Variants in ZNF550 observed in about 807,000 individuals in gnomAD.
ZNF550 encodes zinc finger protein 550.
Under a neutral mutation model 40.2 loss-of-function variants are expected in ZNF550, and 42 were observed. That is an observed-to-expected ratio of 1.05 (90% CI 0.82 to 1.35). ZNF550 has a LOEUF of 1.35. Among genes scored for constraint, ZNF550 ranks in the 40% most tolerant of loss-of-function variants. The pLI, the probability that ZNF550 is intolerant of heterozygous loss-of-function variation, is 0.00. For missense variants in ZNF550, 549 were observed against 525.2 expected (o/e 1.05, Z -0.44); for synonymous variants, 223 against 198.6 (o/e 1.12, Z -1.03).
chr19:57,546,716 C>T (rs1057143084), exon 4 of ZNF550: 4 of 1,226,984 alleles, frequency 3.3e-6, no homozygotes, highest in Non-Finnish European at 4.1e-6. Context: ...TTCCACATTT[C>T]CCCCTGGTAT....
chr19:57,547,749 A>G (rs1014163009), exon 4 of ZNF550: 56 of 1,614,002 alleles, frequency 3.5e-5, no homozygotes, highest in Non-Finnish European at 4.4e-5. Context: ...GCAGACCATC[A>G]TCTGTCCCCA....
intron 3 of ZNF550, among the ~76,000 whole-genome samples, chr19:57,549,003 G>A (rs1160942795): frequency 1.3e-5 from 2 of 152,102 alleles, no homozygotes; most frequent in African/African-American, 4.8e-5. Context: ...AACTGGGAAC[G>A]GCAGTAGGAT....
exon 4 of ZNF550, chr19:57,547,938 A>G (rs1452709608): frequency 6.2e-7 from 1 of 1,614,050 alleles, no homozygotes; most frequent in African/African-American, 1.3e-5. Context: ...AGGCCCGCTC[A>G]GATAAGACTG....
exon 2 of ZNF550, chr19:57,556,296 T>A: frequency 6.2e-7 from 1 of 1,614,086 alleles, no homozygotes. Context: ...CTGGGCCAGG[T>A]CCAGCTGTCT....
chr19:57,546,726 T>A, exon 4 of ZNF550: 1 of 1,251,174 alleles, frequency 8.0e-7, no homozygotes, highest in Non-Finnish European at 1.0e-6. Context: ...CCCCCTGGTA[T>A]GAATCCTTCT....
At chr19:57,552,999 A>T (rs937629290) in intron 2 of ZNF550, 7 of 325,176 alleles carry the variant, frequency 2.2e-5, no homozygotes, top group Admixed American at 4.7e-5. Flanking sequence ...ACAAGGGTGG[A>T]GCCTTAATCT....
intron 3 of ZNF550, among the ~76,000 whole-genome samples, chr19:57,548,371 C>T (rs1486059349): frequency 6.6e-6 from 1 of 152,112 alleles, no homozygotes; most frequent in Non-Finnish European, 1.5e-5. Flanking sequence ...GCTTAAACCA[C>T]TCTATAGGAA....
chr19:57,545,954 A>C (rs1383124092), intron 4 of ZNF550, among the ~76,000 whole-genome samples: 1 of 152,208 alleles, frequency 6.6e-6, no homozygotes, highest in Non-Finnish European at 1.5e-5. Context: ...TCGAGGTTAC[A>C]GGGAACTATG....
intron 4 of ZNF550, chr19:57,544,409 T>C: frequency 1.0e-6 from 1 of 985,440 alleles, no homozygotes; most frequent in Non-Finnish European, 1.2e-6. Flanking sequence ...AACCCTTTGA[T>C]GACAGCCAAT....
intron 4 of ZNF550, among the ~76,000 whole-genome samples, chr19:57,545,848 A>G (rs1467991805): frequency 6.6e-6 from 1 of 152,126 alleles, no homozygotes; most frequent in Non-Finnish European, 1.5e-5. Context: ...CCTTGTCTCT[A>G]CTAAAATTAC....
At chr19:57,555,630 C>G (rs1248481015) in intron 2 of ZNF550, 2 of 156,736 alleles carry the variant, frequency 1.3e-5, no homozygotes, top group East Asian at 3.8e-4. Flanking sequence ...AGCCACCACA[C>G]CCAGCTGATG....
intron 4 of ZNF550, among the ~76,000 whole-genome samples, chr19:57,545,600 A>T (rs1286954820): frequency 6.6e-6 from 1 of 152,214 alleles, no homozygotes; most frequent in Non-Finnish European, 1.5e-5. Flanking sequence ...AAACCATATT[A>T]GGCTAGGTGT....
At chr19:57,559,978 T>C (rs1041540784), upstream of ZNF550, 2 of 371,508 alleles carry the variant, frequency 5.4e-6, no homozygotes, top group Non-Finnish European at 9.6e-6. Context: ...TTTTTTATTA[T>C]GCACACCATG....
chr19:57,545,357 TTG>T (rs1462277445), intron 4 of ZNF550, among the ~76,000 whole-genome samples: 3 of 152,198 alleles, frequency 2.0e-5, no homozygotes, highest in African/African-American at 7.2e-5. Context: ...TTCATCTTAG[TTG>T]TGTGTTTTAT....
chr19:57,559,190 G>A (rs376349435), intron 1 of ZNF550, among the ~76,000 whole-genome samples: 4 of 152,278 alleles, frequency 2.6e-5, no homozygotes, highest in East Asian at 1.9e-4. Flanking sequence ...CCTGAGCGAC[G>A]TCCCCGGACC....
chr19:57,559,341 G>C (rs2090149845), intron 1 of ZNF550, among the ~76,000 whole-genome samples: 1 of 152,232 alleles, frequency 6.6e-6, no homozygotes, highest in Non-Finnish European at 1.5e-5. Context: ...ACTTGTTCAA[G>C]GTCGCAGGCC....
chr19:57,543,549 C>T (rs916457993), intron 4 of ZNF550: 1 of 940,254 alleles, frequency 1.1e-6, no homozygotes, highest in Non-Finnish European at 1.3e-6. Context: ...CCCCCACAAT[C>T]ATTTCTCACA....
At chr19:57,556,623 G>A in intron 1 of ZNF550, 1 of 357,122 alleles carries the variant, frequency 2.8e-6, no homozygotes, top group Non-Finnish European at 5.2e-6. Context: ...GGGAAGCAGA[G>A]AGTAAGTACT....
intron 3 of ZNF550, among the ~76,000 whole-genome samples, chr19:57,551,780 G>C (rs961732394): frequency 1.3e-5 from 2 of 152,194 alleles, no homozygotes; most frequent in Non-Finnish European, 2.9e-5. Flanking sequence ...AATCCACAAG[G>C]CAAATGGCTC....
Sources: gnomAD v4.1 joint callset for allele counts (sites outside exome capture counted in the v4.1 genomes callset) on GRCh38, gnomAD v4.1.1 for gene constraint, MANE v1.5 for transcripts, NCBI Gene and HGNC (gene_info 2026-07-23, HGNC 2026-07-21) for gene names.